RADIL: variants seen among roughly 807,000 people sequenced by gnomAD.
The protein encoded by RADIL is Rap associating with DIL domain, also known as ras-associating and dilute domain-containing protein.
RADIL carries 99 observed loss-of-function variants against 97.6 expected under a neutral mutation model. The observed-to-expected ratio is 1.01, with a 90% CI of 0.86 to 1.20. RADIL has a LOEUF of 1.20. Among genes scored for constraint, RADIL ranks in the 50% most tolerant of loss-of-function variants. The probability of loss-of-function intolerance (pLI) is 0.00; values close to 1 mark genes in which losing one functional copy is unlikely to be tolerated. For synonymous variants in RADIL, 803 were observed against 691.8 expected, an observed-to-expected ratio of 1.16 and a Z score of -2.52; for missense variants, 1,765 against 1,498.9, an observed-to-expected ratio of 1.18 and a Z score of -2.93.
intron 2 of RADIL, among the ~76,000 whole-genome samples, chr7:4,843,729 T>C (rs1456037479): frequency 7.2e-5 from 11 of 151,964 alleles, no homozygotes; most frequent in Non-Finnish European, 1.2e-4. Context: ...CTGGACAACA[T>C]GGGGAAACCC....
At chr7:4,850,851 G>A (rs753283696) in intron 2 of RADIL, among the ~76,000 whole-genome samples, 1 of 152,172 alleles carries the variant, frequency 6.6e-6, no homozygotes, top group Non-Finnish European at 1.5e-5. Flanking sequence ...CTGACTTGTG[G>A]AAAACGTAAG....
At chr7:4,845,286 G>C (rs1230299810) in intron 2 of RADIL, among the ~76,000 whole-genome samples, 1 of 152,034 alleles carries the variant, frequency 6.6e-6, no homozygotes, top group Non-Finnish European at 1.5e-5. Flanking sequence ...AGATGTGGTG[G>C]GACACGTCTT....
chr7:4,835,643 T>G lies in RADIL; in HGVS notation c.784-404A>C, dbSNP rs527749524. Among the ~76,000 whole-genome samples the G allele has an allele frequency of 1.3e-5, 2 of 151,522 alleles. No homozygotes were observed. Among genetic ancestry groups the G allele is most frequent in the Non-Finnish European group, 2.9e-5 (2 of 67,798 alleles). On this transcript the variant is annotated intron_variant, in intron 3 of 14. Transcript: ENST00000399583. The surrounding 1 kb of genome is among the most constrained non-coding windows in gnomAD (Gnocchi z 5.8). ...AGCACCACCCCCAGTGTGGGAGCAC[T>G]GCCGCCTGTGTGAGAGCACTGCCCC...
At chr7:4,806,800 G>T (rs892903145) in intron 9 of RADIL, among the ~76,000 whole-genome samples, 1 of 152,200 alleles carries the variant, frequency 6.6e-6, no homozygotes, top group Non-Finnish European at 1.5e-5. Context: ...AGAACTCCAG[G>T]CGGGAGGGCG....
At chr7:4,838,860 T>C (rs1468632293) in intron 2 of RADIL, among the ~76,000 whole-genome samples, 1 of 152,244 alleles carries the variant, frequency 6.6e-6, no homozygotes. Flanking sequence ...ATGGCCAGTG[T>C]GGACAGCAAC....
In RADIL at chr7:4,867,033, G is replaced by A. The variant is rs901723943; in HGVS notation, c.535+10572C>T. 2.0e-5 allele frequency among the ~76,000 whole-genome samples: 3 copies of A among 152,162 alleles called. No individual in the cohort carries two copies. Among genetic ancestry groups the A allele is most frequent in the Non-Finnish European group, 2.9e-5 (2 of 68,024 alleles). ...TTGACCTTTTCTGCCATGTGATGAC[G>A]CAGCACAGAAGCCCTCACCAGAAGC... On this transcript the variant is annotated intron_variant, in intron 2 of 14. Transcript: ENST00000399583. This position sits in a 1 kb window ranked among gnomAD's most constrained non-coding sequence, Gnocchi z 4.1.
At position 4,799,725 on chromosome 7, in the gene RADIL, G is replaced by A. The variant is rs769989169; in HGVS notation, c.3027C>T (p.Leu1009=). The change falls in exon 14 of 15, where the codon CTC becomes CTT. Residue 1009 remains leucine, a synonymous_variant. Transcript: ENST00000399583. Reference sequence around the variant, plus strand: ...CGTCGGCCGCTGCGGGGCTGCCCGGGAGCAGGGTCTGGATGTAGAGCCCGG... The same window carrying A: ...CGTCGGCCGCTGCGGGGCTGCCCGGAAGCAGGGTCTGGATGTAGAGCCCGG... The part of the protein sequence containing the change: ...GAPGLYIQTL[L]PGSPAAADGR... The A allele has an allele frequency of 1.3e-6, 2 of 1,563,814 alleles. No individual in the cohort carries two copies. Among genetic ancestry groups the A allele is most frequent in the Non-Finnish European group, 1.7e-6 (2 of 1,157,756 alleles).
chr7:4,807,531 CCTCCTCT>C (rs1782354029), intron 9 of RADIL, among the ~76,000 whole-genome samples: 1 of 134,802 alleles, frequency 7.4e-6, no homozygotes, highest in African/African-American at 2.9e-5. Flanking sequence ...GTCTCCCCTC[CCTCCTCT>C]CTCCCTCTGT....
chr7:4,811,709 G>T (rs953194839), intron 9 of RADIL, among the ~76,000 whole-genome samples: 2 of 151,608 alleles, frequency 1.3e-5, no homozygotes, highest in African/African-American at 4.8e-5. Context: ...GGATGGTCTC[G>T]ATCTCCTGAC....
At chr7:4,845,990 C>G (rs566415377) in intron 2 of RADIL, among the ~76,000 whole-genome samples, 16 of 152,144 alleles carry the variant, frequency 1.1e-4, no homozygotes, top group Non-Finnish European at 2.1e-4. Flanking sequence ...CGGTGACCAG[C>G]GAAGCACAGT....
At position 4,834,586 on chromosome 7, in the gene RADIL, C is replaced by A. The variant is rs754986645; in HGVS notation, c.1416+21G>T. 5 of 1,316,094 alleles carry A rather than the reference C, an allele frequency of 3.8e-6. No individual in the cohort carries two copies. The highest frequency in any genetic ancestry group is 4.9e-6 in the Non-Finnish European group (5 of 1,026,786). The allele number at this position is 1,316,094 out of a possible 1,614,324, so 81.5% of individuals were successfully genotyped here. Reference sequence around the variant, plus strand: ...CCCCAGACCGGCACAGGACCCAGACCGCCCACCCCAGCACACTGACCCAGA... The same window carrying A: ...CCCCAGACCGGCACAGGACCCAGACAGCCCACCCCAGCACACTGACCCAGA... On this transcript the variant is annotated intron_variant, in intron 4 of 14. Coordinates refer to ENST00000399583, the MANE Select transcript of RADIL (RefSeq NM_018059.5). The surrounding 1 kb of genome is among the most constrained non-coding windows in gnomAD (Gnocchi z 6.0).
At chr7:4,820,695 C>T (rs1036054690) in intron 6 of RADIL, among the ~76,000 whole-genome samples, 1 of 152,182 alleles carries the variant, frequency 6.6e-6, no homozygotes, top group Non-Finnish European at 1.5e-5. Flanking sequence ...CTCTGCCTCC[C>T]CCAGGAGCGG....
Position 4,878,108 on chromosome 7 carries a change from G to A in RADIL, c.32C>T (p.Pro11Leu), listed in dbSNP as rs867769739. 22 of 1,580,644 alleles carry A rather than the reference G, an allele frequency of 1.4e-5. No individual in the cohort carries two copies. The highest frequency in any genetic ancestry group is 4.0e-5 in the African/African-American group (3 of 74,298). The change falls in exon 2 of 15, where the codon CCG becomes CTG. Residue 11 changes from proline to leucine, a missense_variant. Coordinates refer to ENST00000399583, the MANE Select transcript of RADIL (RefSeq NM_018059.5). The surrounding 1 kb of genome is among the most constrained non-coding windows in gnomAD (Gnocchi z 4.1). ...CCGCTTCAGTTTGCTCTTGGTGGGC[G>A]GGGACATGATGAAGTGCGTCCCATA... MFYGTHFIMS[P>L]PTKSKLKRQS...
intron 11 of RADIL, among the ~76,000 whole-genome samples, chr7:4,802,431 C>T (rs1449105250): frequency 1.5e-5 from 2 of 136,886 alleles, no homozygotes. Flanking sequence ...CACCTCGGGG[C>T]ACGCTGGCTG....
chr7:4,822,674 C>T lies in RADIL; in HGVS notation c.1455-120G>A. On this transcript the variant is annotated intron_variant, in intron 5 of 14. Transcript: ENST00000399583. This position sits in a 1 kb window ranked among gnomAD's most constrained non-coding sequence, Gnocchi z 5.3. Reference sequence around the variant, plus strand: ...GGACGCTGACAACAACTGCAACCATCAACCTGACACTGCTGGGCGGGGACG... The same window carrying T: ...GGACGCTGACAACAACTGCAACCATTAACCTGACACTGCTGGGCGGGGACG... 8.8e-7 allele frequency: 1 copy of T among 1,141,350 alleles called. No homozygotes were observed. The highest frequency in any genetic ancestry group is 1.6e-5 in the African/African-American group (1 of 64,280). The allele number at this position is 1,141,350 out of a possible 1,614,324, so 70.7% of individuals were successfully genotyped here.
chr7:4,857,049 T>A (rs1458591635), intron 2 of RADIL, among the ~76,000 whole-genome samples: 1 of 152,240 alleles, frequency 6.6e-6, no homozygotes, highest in East Asian at 1.9e-4. Context: ...TATTTTTATC[T>A]GCTTGATATC....
intron 2 of RADIL, chr7:4,860,313 G>A: frequency 6.2e-7 from 1 of 1,614,024 alleles, no homozygotes; most frequent in Non-Finnish European, 8.5e-7. Context: ...AGCACATGAT[G>A]AGGCAGCAGC....
Position 4,862,620 on chromosome 7 carries a change from G to A in RADIL, c.535+14985C>T, listed in dbSNP as rs962564467. On this transcript the variant is annotated intron_variant, in intron 2 of 14. Coordinates refer to ENST00000399583, the MANE Select transcript of RADIL (RefSeq NM_018059.5). ...ATTTCTCTTTAATAATCTTACCCAG[G>A]CTGGGCGCAGTGGCTCACGCCTGTA... Among the ~76,000 whole-genome samples the A allele has an allele frequency of 1.7e-4, 26 of 152,182 alleles. 1 individual carries two copies. The highest frequency in any genetic ancestry group is 1.5e-5 in the Non-Finnish European group (1 of 68,036).
intron 4 of RADIL, among the ~76,000 whole-genome samples, chr7:4,832,847 T>C (rs10269167): frequency 0.083 from 12,530 of 151,832 alleles, 1,730 homozygotes; most frequent in African/African-American, 0.29. Flanking sequence ...AGCGTGTATA[T>C]TTGGTAAGGA....
Sources: allele counts gnomAD v4.1 joint callset (sites outside exome capture counted in the v4.1 genomes callset), GRCh38; gene constraint gnomAD v4.1.1; non-coding constraint Gnocchi (gnomAD v3.1); transcripts MANE v1.5; gene names NCBI Gene and HGNC (gene_info 2026-07-23, HGNC 2026-07-21).